The following NAV3 variants were observed in gnomAD, a reference collection of about 807,000 sequenced individuals.
The protein encoded by NAV3 is neuron navigator 3.
Under a neutral mutation model 244.7 loss-of-function variants are expected in NAV3, and 87 were observed. The ratio of observed to expected loss-of-function variants is 0.36; its 90% confidence interval spans 0.30 to 0.42. The LOEUF (loss-of-function observed/expected upper bound fraction) is 0.42. Among genes scored for constraint, NAV3 ranks in the 20% least tolerant of loss-of-function variants. The probability of loss-of-function intolerance (pLI) is 1.00; values close to 1 mark genes in which losing one functional copy is unlikely to be tolerated. For missense variants in NAV3, 2,663 were observed against 2,893.3 expected (o/e 0.92, Z 1.83); for synonymous variants, 1,126 against 1,042.2 (o/e 1.08, Z -1.55).
chr12:77,835,260 A>G (rs1184015984), intron 1 of NAV3, among the ~76,000 whole-genome samples: 1 of 152,224 alleles, frequency 6.6e-6, no homozygotes, highest in Non-Finnish European at 1.5e-5. Context: ...ATGGAGACTG[A>G]AAAATGTAGT....
intron 9 of NAV3, among the ~76,000 whole-genome samples, chr12:78,025,870 C>A (rs1326979123): frequency 1.3e-5 from 2 of 152,150 alleles, no homozygotes; most frequent in Non-Finnish European, 2.9e-5. Context: ...CAGTCTGAAG[C>A]CCTCACCAGA....
intron 3 of NAV3, among the ~76,000 whole-genome samples, chr12:77,954,406 G>T (rs565829914): frequency 2.0e-5 from 3 of 152,206 alleles, no homozygotes; most frequent in Admixed American, 6.6e-5. Flanking sequence ...AGGCAGAAGA[G>T]CAAGCTCATT....
chr12:78,100,574 A>G (rs1954488653), intron 12 of NAV3, among the ~76,000 whole-genome samples: 1 of 151,962 alleles, frequency 6.6e-6, no homozygotes, highest in African/African-American at 2.4e-5. Flanking sequence ...CCCTACTTGC[A>G]CTCTACCTTT....
At chr12:77,735,466 T>C (rs1257339224) in intron 2 of NAV3, among the ~76,000 whole-genome samples, 2 of 152,004 alleles carry the variant, frequency 1.3e-5, no homozygotes, top group African/African-American at 4.8e-5. Context: ...AACTTAAAGA[T>C]AAGAAGAAAA....
intron 1 of NAV3, among the ~76,000 whole-genome samples, chr12:77,849,397 G>A (rs893042229): frequency 1.3e-5 from 2 of 152,082 alleles, no homozygotes; most frequent in Non-Finnish European, 2.9e-5. Flanking sequence ...TATGCAGGTT[G>A]AGTATTTATA....
chr12:77,598,026 ACT>A (rs372769022), intron 2 of NAV3, among the ~76,000 whole-genome samples: 35 of 151,974 alleles, frequency 2.3e-4, no homozygotes, highest in African/African-American at 7.5e-4. Flanking sequence ...CCTAGTAATC[ACT>A]CTATTTCAAT....
chr12:77,886,492 G>T (rs1210260729), intron 1 of NAV3, among the ~76,000 whole-genome samples: 1 of 152,118 alleles, frequency 6.6e-6, no homozygotes, highest in African/African-American at 2.4e-5. Context: ...AATAGTTGTA[G>T]ATTATTTCAA....
At chr12:77,741,290 A>C (rs944074231) in intron 2 of NAV3, among the ~76,000 whole-genome samples, 1 of 152,076 alleles carries the variant, frequency 6.6e-6, no homozygotes, top group African/African-American at 2.4e-5. Flanking sequence ...ATTTTTAAAA[A>C]ACTTATTCTC....
At chr12:77,885,765 C>T (rs1883211158) in intron 1 of NAV3, among the ~76,000 whole-genome samples, 1 of 152,064 alleles carries the variant, frequency 6.6e-6, no homozygotes, top group Admixed American at 6.6e-5. Context: ...CAAAATAACC[C>T]ATTTGAAATT....
chr12:78,025,518 C>T (rs1440929424), intron 9 of NAV3, among the ~76,000 whole-genome samples: 1 of 142,698 alleles, frequency 7.0e-6, no homozygotes, highest in East Asian at 2.2e-4. Context: ...ATCACTTGAA[C>T]CTGGGAGGCA....
intron 2 of NAV3, among the ~76,000 whole-genome samples, chr12:77,768,650 T>C (rs1440573077): frequency 6.6e-6 from 1 of 152,230 alleles, no homozygotes; most frequent in African/African-American, 2.4e-5. Flanking sequence ...CAGGCACTTC[T>C]GAACCTGTGG....
chr12:77,603,083 G>A (rs1870513803), intron 2 of NAV3, among the ~76,000 whole-genome samples: 1 of 151,952 alleles, frequency 6.6e-6, no homozygotes, highest in Admixed American at 6.6e-5. Flanking sequence ...TTAAGGGAAT[G>A]GTAAAAACAA....
chr12:78,189,678 T>G (rs1238503899), intron 33 of NAV3, among the ~76,000 whole-genome samples: 1 of 151,792 alleles, frequency 6.6e-6, no homozygotes, highest in Non-Finnish European at 1.5e-5. Context: ...AAAGATGTTA[T>G]GATAGCATTT....
intron 3 of NAV3, among the ~76,000 whole-genome samples, chr12:77,945,324 A>C (rs1890235762): frequency 6.6e-6 from 1 of 152,198 alleles, no homozygotes; most frequent in Admixed American, 6.6e-5. Flanking sequence ...ATTGGAAAAC[A>C]ATAGGGATAC....
chr12:78,016,778 G>A (rs2127205), intron 8 of NAV3, among the ~76,000 whole-genome samples: 73,413 of 151,880 alleles, frequency 0.48, 18,284 homozygotes, highest in Non-Finnish European at 0.53. Flanking sequence ...ATACAAATCA[G>A]TATGCAAACA....
At chr12:78,040,643 G>A (rs889256890) in intron 9 of NAV3, among the ~76,000 whole-genome samples, 1 of 152,114 alleles carries the variant, frequency 6.6e-6, no homozygotes, top group South Asian at 2.1e-4. Flanking sequence ...TTTCCTGGGG[G>A]AAGGGGGAAA....
chr12:78,030,695 TG>T (rs1794356208), intron 9 of NAV3, among the ~76,000 whole-genome samples: 1 of 152,052 alleles, frequency 6.6e-6, no homozygotes, highest in Non-Finnish European at 1.5e-5. Context: ...AGCTCTCCTT[TG>T]AAAAAGTAAG....
chr12:78,139,660 T>C (rs1956522904), intron 19 of NAV3, among the ~76,000 whole-genome samples: 1 of 152,086 alleles, frequency 6.6e-6, no homozygotes, highest in African/African-American at 2.4e-5. Flanking sequence ...TTTACAGTGA[T>C]ATTTTGAAAT....
At position 77,633,300 on chromosome 12, in the gene NAV3, A is replaced by G. The variant is rs575403838; in HGVS notation, c.72+61034A>G. Among the ~76,000 whole-genome samples the G allele has an allele frequency of 2.2e-4, 34 of 152,234 alleles. No individual in the cohort carries two copies. The South Asian group carries it at 5.2e-3, about 23-fold the overall frequency. On this transcript the variant is annotated intron_variant, in intron 2 of 8. Transcript: ENST00000550042. ...GTTTCAAAGATTAATCATCATTACC[A>G]TAATTAGACTCTTAAACACTTAGTG...
Sources: gnomAD v4.1 joint callset for allele counts (sites outside exome capture counted in the v4.1 genomes callset) on GRCh38, gnomAD v4.1.1 for gene constraint, MANE v1.5 for transcripts, NCBI Gene and HGNC (gene_info 2026-07-23, HGNC 2026-07-21) for gene names.